SLC24A2: variants seen among roughly 807,000 people sequenced by gnomAD.
SLC24A2 encodes the protein sodium/potassium/calcium exchanger 2.
A neutral mutation model predicts 62.0 loss-of-function variants in SLC24A2; 36 were observed. That is an observed-to-expected ratio of 0.58 (90% CI 0.44 to 0.77). The LOEUF is 0.77. Ranked by LOEUF, SLC24A2 falls within the 30% of genes least tolerant of loss-of-function variation. The pLI, the probability that SLC24A2 is intolerant of heterozygous loss-of-function variation, is 0.00. For synonymous variants in SLC24A2, 358 were observed against 294.0 expected (o/e 1.22, Z -2.23); for missense variants, 846 against 817.9 (o/e 1.03, Z -0.42).
intron 8 of SLC24A2, among the ~76,000 whole-genome samples, chr9:19,533,448 C>T (rs989716419): frequency 1.3e-5 from 2 of 152,186 alleles, no homozygotes; most frequent in Non-Finnish European, 2.9e-5. Context: ...TCTGGGCTGG[C>T]CTTATGACTT....
chr9:19,541,337 T>G (rs1004320564), intron 8 of SLC24A2, among the ~76,000 whole-genome samples: 2 of 150,236 alleles, frequency 1.3e-5, no homozygotes, highest in African/African-American at 4.9e-5. Flanking sequence ...CTTTGTGGTT[T>G]TATCTACTTT....
the SLC24A2 span, among the ~76,000 whole-genome samples, chr9:19,810,012 T>A: frequency 6.6e-6 from 1 of 151,724 alleles, no homozygotes; most frequent in East Asian, 1.9e-4. Context: ...CAATGAAGAG[T>A]CTGTAGAATA....
At chr9:19,948,238 A>G in the SLC24A2 span, among the ~76,000 whole-genome samples, 2 of 152,184 alleles carry the variant, frequency 1.3e-5, no homozygotes, top group African/African-American at 2.4e-5. Context: ...GGATAAGTGT[A>G]TTGTGTGAGT....
At chr9:19,874,879 T>C in the SLC24A2 span, among the ~76,000 whole-genome samples, 2 of 151,796 alleles carry the variant, frequency 1.3e-5, no homozygotes, top group African/African-American at 4.8e-5. Flanking sequence ...AATTTCTGCC[T>C]ACAATGAAAC....
chr9:20,253,666 G>T, the SLC24A2 span, among the ~76,000 whole-genome samples: 1 of 152,228 alleles, frequency 6.6e-6, no homozygotes, highest in Non-Finnish European at 1.5e-5. Context: ...TTATTAGCTC[G>T]CCAGGTGATT....
intron 2 of SLC24A2, among the ~76,000 whole-genome samples, chr9:19,731,516 C>CTCCGTGT (rs72153360): frequency 1.3e-4 from 15 of 113,818 alleles, no homozygotes; most frequent in East Asian, 3.7e-4. Flanking sequence ...TCTCTCTCTC[C>CTCCGTGT]GTGTGTGTGT....
chr9:20,078,022 G>A, the SLC24A2 span, among the ~76,000 whole-genome samples: 1 of 143,804 alleles, frequency 7.0e-6, no homozygotes, highest in African/African-American at 2.5e-5. Context: ...GCACAGGGTG[G>A]GCACAGGGCT....
intron 2 of SLC24A2, among the ~76,000 whole-genome samples, chr9:19,631,306 T>C (rs1818172559): frequency 6.6e-6 from 1 of 152,212 alleles, no homozygotes. Flanking sequence ...ACTTTCCTCC[T>C]GGCATTTGAT....
chr9:20,098,815 A>G, the SLC24A2 span, among the ~76,000 whole-genome samples: 2 of 152,224 alleles, frequency 1.3e-5, no homozygotes, highest in Admixed American at 1.3e-4. Flanking sequence ...CCTTTAGGGA[A>G]AAATCTCTCA....
At chr9:20,214,180 A>T in the SLC24A2 span, among the ~76,000 whole-genome samples, 1 of 152,218 alleles carries the variant, frequency 6.6e-6, no homozygotes, top group Non-Finnish European at 1.5e-5. Flanking sequence ...AATTCACAGA[A>T]TCAAAGAGTG....
the SLC24A2 span, among the ~76,000 whole-genome samples, chr9:20,057,132 C>T: frequency 6.6e-6 from 1 of 152,110 alleles, no homozygotes; most frequent in African/African-American, 2.4e-5. Flanking sequence ...CATACATCAC[C>T]TATATATTCA....
chr9:20,034,831 T>C, the SLC24A2 span, among the ~76,000 whole-genome samples: 4 of 152,140 alleles, frequency 2.6e-5, no homozygotes, highest in Non-Finnish European at 4.4e-5. Context: ...GATTCCACAA[T>C]TGTTGGTGAA....
At chr9:19,566,831 A>ACAAT (rs1268530750) in intron 7 of SLC24A2, among the ~76,000 whole-genome samples, 1 of 152,206 alleles carries the variant, frequency 6.6e-6, no homozygotes, top group Non-Finnish European at 1.5e-5. Context: ...GAAGCTGGAA[A>ACAAT]CAATCATTCT....
the SLC24A2 span, among the ~76,000 whole-genome samples, chr9:20,074,766 C>T: frequency 2.6e-5 from 4 of 151,946 alleles, no homozygotes; most frequent in Non-Finnish European, 4.4e-5. Context: ...ATAGTGCTGT[C>T]AAGGATCTAG....
At chr9:19,582,864 T>C (rs1481835046) in intron 5 of SLC24A2, among the ~76,000 whole-genome samples, 6 of 151,982 alleles carry the variant, frequency 3.9e-5, no homozygotes, top group Non-Finnish European at 7.4e-5. Context: ...ATTTTTAAAA[T>C]TTTTCAGAAT....
chr9:20,109,337 G>C, the SLC24A2 span, among the ~76,000 whole-genome samples: 15 of 152,308 alleles, frequency 9.8e-5, no homozygotes, highest in East Asian at 2.3e-3. Context: ...AGAAAGACCT[G>C]CTTGCAAGCT....
the SLC24A2 span, among the ~76,000 whole-genome samples, chr9:19,845,813 A>AT: frequency 6.6e-6 from 1 of 151,990 alleles, no homozygotes; most frequent in Non-Finnish European, 1.5e-5. Context: ...ATTTCATATA[A>AT]TTTTTTATTT....
chr9:20,141,197 G>T, the SLC24A2 span, among the ~76,000 whole-genome samples: 2 of 152,128 alleles, frequency 1.3e-5, no homozygotes, highest in Admixed American at 1.3e-4. Context: ...AATTAAGAAT[G>T]AATACAGCAC....
the SLC24A2 span, among the ~76,000 whole-genome samples, chr9:19,875,886 C>T: frequency 6.6e-6 from 1 of 152,114 alleles, no homozygotes; most frequent in Non-Finnish European, 1.5e-5. Flanking sequence ...CAATCATTTC[C>T]AAGGCACATG....
Sources: gnomAD v4.1 joint callset for allele counts (sites outside exome capture counted in the v4.1 genomes callset) on GRCh38, gnomAD v4.1.1 for gene constraint, MANE v1.5 for transcripts, NCBI Gene and HGNC (gene_info 2026-07-23, HGNC 2026-07-21) for gene names.